Variants in AGBL4 observed in about 807,000 individuals in gnomAD.
AGBL4 encodes the protein AGBL carboxypeptidase 4.
AGBL4 carries 58 observed loss-of-function variants against 66.4 expected under a neutral mutation model. The observed-to-expected ratio is 0.87, with a 90% CI of 0.71 to 1.09. AGBL4 has a LOEUF of 1.09. Among genes scored for constraint, AGBL4 ranks in the 50% least tolerant of loss-of-function variants. The pLI is 0.00. For missense variants in AGBL4, 579 were observed against 631.0 expected (o/e 0.92, Z 0.88); for synonymous variants, 234 against 222.9 (o/e 1.05, Z -0.44).
At chr1:49,533,221 C>T (rs1570965105) in intron 3 of AGBL4, among the ~76,000 whole-genome samples, 1 of 152,110 alleles carries the variant, frequency 6.6e-6, no homozygotes, top group African/African-American at 2.4e-5. Context: ...GACAGGTAAT[C>T]CATGTTTCTG....
chr1:48,582,926 T>A (rs12060458), intron 11 of AGBL4, among the ~76,000 whole-genome samples: 4 of 152,210 alleles, frequency 2.6e-5, no homozygotes, highest in Non-Finnish European at 5.9e-5. Flanking sequence ...TGCTCTGGTC[T>A]GTGGAGCGGC....
chr1:49,513,706 T>C (rs868472320), intron 3 of AGBL4, among the ~76,000 whole-genome samples: 3 of 152,036 alleles, frequency 2.0e-5, no homozygotes, highest in African/African-American at 7.2e-5. Context: ...GTCTTCTTTA[T>C]GGTAAGTGAT....
At chr1:49,129,112 T>A (rs1276651814) in intron 4 of AGBL4, among the ~76,000 whole-genome samples, 1 of 151,894 alleles carries the variant, frequency 6.6e-6, no homozygotes, top group Non-Finnish European at 1.5e-5. Flanking sequence ...ATGCTTACTA[T>A]CATCAGGCAC....
At chr1:48,606,193 CT>C (rs11358754) in intron 9 of AGBL4, among the ~76,000 whole-genome samples, 129,616 of 149,370 alleles carry the variant, frequency 0.87, 56,593 homozygotes, top group Non-Finnish European at 0.91. Flanking sequence ...TGTGCTTGGG[CT>C]TTTTTTTTTT....
intron 3 of AGBL4, among the ~76,000 whole-genome samples, chr1:49,466,387 C>T (rs191684953): frequency 7.3e-5 from 11 of 151,638 alleles, no homozygotes; most frequent in South Asian, 2.1e-4. Context: ...TAAAATCCAA[C>T]GGATCAAAAT....
At position 48,668,003 on chromosome 1, in the gene AGBL4, T is replaced by TTTGTTG. The variant is rs35572126; in HGVS notation, c.635-4768_635-4763dup. On this transcript the variant is annotated intron_variant, in intron 6 of 13. Coordinates refer to ENST00000371839, the MANE Select transcript of AGBL4 (RefSeq NM_032785.4). ...GTGGAATGTTATAATGGGGGAAGCA[T>TTTGTTG]TTGTTGTTGTTGTTGTTGTTGTTGT... is the stretch of plus-strand genomic sequence containing the variant. 7.9e-3 allele frequency among the ~76,000 whole-genome samples: 1,194 copies of TTTGTTG among 150,194 alleles called. 4 individuals carry two copies. Among genetic ancestry groups the TTTGTTG allele is most frequent in the Middle Eastern group, 0.014 (4 of 290 alleles).
At chr1:48,907,862 A>T (rs1652761459) in intron 5 of AGBL4, among the ~76,000 whole-genome samples, 2 of 152,182 alleles carry the variant, frequency 1.3e-5, no homozygotes, top group Non-Finnish European at 2.9e-5. Context: ...TCAGAAGGGT[A>T]GAAACAGTGC....
chr1:49,309,084 T>C (rs1354556535), intron 3 of AGBL4, among the ~76,000 whole-genome samples: 1 of 152,026 alleles, frequency 6.6e-6, no homozygotes, highest in Non-Finnish European at 1.5e-5. Flanking sequence ...ACTATAGTGA[T>C]TATAGCATAG....
At chr1:49,285,227 C>T (rs933049124) in intron 3 of AGBL4, among the ~76,000 whole-genome samples, 5 of 152,030 alleles carry the variant, frequency 3.3e-5, no homozygotes, top group Admixed American at 2.0e-4. Context: ...CACTCAAAAC[C>T]GCTCAACTAC....
At chr1:49,950,559 A>G (rs1161931502) in intron 1 of AGBL4, among the ~76,000 whole-genome samples, 1 of 151,850 alleles carries the variant, frequency 6.6e-6, no homozygotes, top group African/African-American at 2.4e-5. Flanking sequence ...CTATGGAAAT[A>G]AAAGATAAAT....
intron 3 of AGBL4, among the ~76,000 whole-genome samples, chr1:49,650,226 A>T (rs1645975427): frequency 6.6e-6 from 1 of 152,180 alleles, no homozygotes; most frequent in Non-Finnish European, 1.5e-5. Context: ...AGCTGAAGGA[A>T]GTGAGCCAAG....
intron 1 of AGBL4, among the ~76,000 whole-genome samples, chr1:49,970,855 G>A (rs540489951): frequency 3.5e-4 from 53 of 151,360 alleles, no homozygotes; most frequent in Non-Finnish European, 4.6e-4. Context: ...AAATCACTTC[G>A]TAAGTTATAA....
chr1:49,628,869 G>A (rs1207132809), intron 3 of AGBL4, among the ~76,000 whole-genome samples: 1 of 152,110 alleles, frequency 6.6e-6, no homozygotes, highest in Non-Finnish European at 1.5e-5. Context: ...CAAAGAAATG[G>A]CTGCCTGCTA....
chr1:49,830,556 T>C (rs1463210959), intron 2 of AGBL4, among the ~76,000 whole-genome samples: 3 of 152,170 alleles, frequency 2.0e-5, no homozygotes, highest in Admixed American at 1.3e-4. Context: ...ATTTTGTGAG[T>C]TGCCTGTTCA....
At position 49,926,837 on chromosome 1, in the gene AGBL4, G is replaced by A. The variant is rs142318385; in HGVS notation, c.35-75319C>T. Among the ~76,000 whole-genome samples, 4 of 152,216 alleles carry A rather than the reference G, an allele frequency of 2.6e-5. No homozygotes were observed. In the East Asian group the frequency reaches 7.7e-4, roughly 29 times the overall value. ...AGTAAGCTCAAAGACAGGCTGTAGGGTTCACTAGAGGGACAGAACTAATAG... is the reference window on the plus strand; with the variant it reads ...AGTAAGCTCAAAGACAGGCTGTAGGATTCACTAGAGGGACAGAACTAATAG... On this transcript the variant is annotated intron_variant, in intron 1 of 13. Coordinates refer to ENST00000371839, the MANE Select transcript of AGBL4 (RefSeq NM_032785.4).
At chr1:48,911,445 G>A (rs1012194177) in intron 5 of AGBL4, among the ~76,000 whole-genome samples, 1 of 151,784 alleles carries the variant, frequency 6.6e-6, no homozygotes, top group African/African-American at 2.4e-5. Context: ...GTGAAACCCC[G>A]TCTCTACTAA....
At chr1:49,295,818 C>T (rs1034223014) in intron 3 of AGBL4, among the ~76,000 whole-genome samples, 2 of 152,086 alleles carry the variant, frequency 1.3e-5, no homozygotes, top group African/African-American at 4.8e-5. Context: ...AGCAGTTCAC[C>T]TAACTGTTCA....
At chr1:48,783,739 A>G (rs758571808) in intron 6 of AGBL4, among the ~76,000 whole-genome samples, 23 of 152,016 alleles carry the variant, frequency 1.5e-4, no homozygotes, top group African/African-American at 3.4e-4. Context: ...CCCTGATTCA[A>G]TTGGTTTGGG....
In AGBL4 at chr1:49,347,391, A is replaced by G. The variant is rs1645654849; in HGVS notation, c.283-101527T>C. Reference sequence around the variant, plus strand: ...CTCAGCCTCCCCAGTAGCTGGGACTACAGGTGCACAACACCACGCCCAGCT... The same window carrying G: ...CTCAGCCTCCCCAGTAGCTGGGACTGCAGGTGCACAACACCACGCCCAGCT... On this transcript the variant is annotated intron_variant, in intron 3 of 13. Coordinates refer to ENST00000371839, the MANE Select transcript of AGBL4 (RefSeq NM_032785.4). Among the ~76,000 whole-genome samples, 2 of 151,474 alleles carry G rather than the reference A, an allele frequency of 1.3e-5. 1 individual carries two copies. Among genetic ancestry groups the G allele is most frequent in the South Asian group, 4.2e-4 (2 of 4,790 alleles).
Sources: gnomAD v4.1 joint callset for allele counts (sites outside exome capture counted in the v4.1 genomes callset) on GRCh38, gnomAD v4.1.1 for gene constraint, MANE v1.5 for transcripts, NCBI Gene and HGNC (gene_info 2026-07-23, HGNC 2026-07-21) for gene names.